The following CLMN variants were observed in gnomAD, a reference collection of about 807,000 sequenced individuals.
CLMN encodes calmin.
CLMN carries 57 observed loss-of-function variants against 92.7 expected under a neutral mutation model. The ratio of observed to expected loss-of-function variants is 0.61; its 90% CI spans 0.50 to 0.77. The LOEUF (loss-of-function observed/expected upper bound fraction) is 0.77, where lower values mean the gene tolerates loss of function less well. Ranked by LOEUF, CLMN falls within the 30% of genes least tolerant of loss-of-function variation. CLMN has a pLI of 0.00. For missense variants in CLMN, 1,158 were observed against 1,237.5 expected (o/e 0.94, Z 0.96); for synonymous variants, 466 against 470.6 (o/e 0.99, Z 0.13).
intron 1 of CLMN, among the ~76,000 whole-genome samples, chr14:95,290,504 G>A (rs559141104): frequency 6.6e-6 from 1 of 152,374 alleles, no homozygotes; most frequent in African/African-American, 2.4e-5. Flanking sequence ...AACAGAGTCA[G>A]AGAGAGTTGA....
chr14:95,211,855 G>A (rs533596091), intron 6 of CLMN, among the ~76,000 whole-genome samples: 1 of 152,180 alleles, frequency 6.6e-6, no homozygotes, highest in African/African-American at 2.4e-5. Flanking sequence ...GCTATAGACT[G>A]CATTTGAATT....
intron 12 of CLMN, 146 bp downstream of exon 12, chr14:95,193,703 G>T: frequency 2.0e-6 from 2 of 996,298 alleles, no homozygotes; most frequent in East Asian, 2.5e-5. Flanking sequence ...CATTTTCTCT[G>T]GAATAGTTAT....
chr14:95,193,824 C>A (rs879241345), intron 12 of CLMN, 25 bp downstream of exon 12: 9 of 1,612,106 alleles, frequency 5.6e-6, no homozygotes, highest in Admixed American at 1.7e-5. Flanking sequence ...ACTACCCCCA[C>A]AAAACCTGAA....
chr14:95,308,617 C>A (rs1208657622), intron 1 of CLMN, among the ~76,000 whole-genome samples: 3 of 152,198 alleles, frequency 2.0e-5, no homozygotes, highest in Non-Finnish European at 4.4e-5. Flanking sequence ...CAGGGTCCTG[C>A]ACTGTGGTCA....
At chr14:95,265,240 CAA>C (rs141059608) in intron 1 of CLMN, among the ~76,000 whole-genome samples, 4 of 142,686 alleles carry the variant, frequency 2.8e-5, no homozygotes, top group African/African-American at 5.1e-5. Flanking sequence ...GACTCTGAAT[CAA>C]AAAAAAAAAA....
chr14:95,207,952 G>A (rs1897091642), intron 8 of CLMN, among the ~76,000 whole-genome samples: 1 of 152,200 alleles, frequency 6.6e-6, no homozygotes, highest in Admixed American at 6.5e-5. Flanking sequence ...GTGCTTCATA[G>A]CTGAGTGACT....
chr14:95,202,645 G>C (rs1896916294), intron 9 of CLMN, among the ~76,000 whole-genome samples, 193 bp downstream of exon 9: 1 of 152,218 alleles, frequency 6.6e-6, no homozygotes, highest in African/African-American at 2.4e-5. Context: ...ATTTCAGGAG[G>C]TGCTCACTCT....
intron 1 of CLMN, among the ~76,000 whole-genome samples, chr14:95,311,898 G>A (rs143995966): frequency 3.9e-5 from 6 of 152,028 alleles, no homozygotes; most frequent in South Asian, 2.1e-4. Flanking sequence ...GGCCTCCTGG[G>A]TAGACAATCT....
intron 6 of CLMN, among the ~76,000 whole-genome samples, chr14:95,211,818 T>C (rs2140594067): frequency 6.6e-6 from 1 of 152,282 alleles, no homozygotes; most frequent in East Asian, 1.9e-4. Context: ...AGAACACCAA[T>C]ACTGGTCCAA....
intron 1 of CLMN, among the ~76,000 whole-genome samples, chr14:95,301,016 G>A (rs1354588289): frequency 6.6e-6 from 1 of 152,248 alleles, no homozygotes; most frequent in Non-Finnish European, 1.5e-5. Context: ...TGCAGATTCT[G>A]CACCTGATGC....
At chr14:95,310,031 G>A (rs1901462805) in intron 1 of CLMN, among the ~76,000 whole-genome samples, 1 of 152,146 alleles carries the variant, frequency 6.6e-6, no homozygotes, top group Non-Finnish European at 1.5e-5. Context: ...GCTTGTAGAG[G>A]CCTGATATGG....
intron 1 of CLMN, among the ~76,000 whole-genome samples, chr14:95,258,462 T>C (rs764531449): frequency 6.6e-6 from 1 of 150,490 alleles, no homozygotes; most frequent in Non-Finnish European, 1.5e-5. Context: ...GTGGAGGGTG[T>C]GTTTGTGTGT....
intron 8 of CLMN, among the ~76,000 whole-genome samples, chr14:95,205,309 A>C (rs1897016154): frequency 6.6e-6 from 1 of 152,242 alleles, no homozygotes; most frequent in African/African-American, 2.4e-5. Context: ...CAAGACATGA[A>C]GAGGCAGGAA....
At chr14:95,283,169 A>G (rs117991787) in intron 1 of CLMN, among the ~76,000 whole-genome samples, 3,635 of 152,314 alleles carry the variant, frequency 0.024, 75 homozygotes, top group East Asian at 0.039. Flanking sequence ...TTCCCATGCT[A>G]TTCTTGTAAT....
chr14:95,244,012 G>A (rs746327216), intron 1 of CLMN, among the ~76,000 whole-genome samples: 144 of 152,114 alleles, frequency 9.5e-4, no homozygotes, highest in Non-Finnish European at 1.6e-3. Flanking sequence ...TTAAAGGCGT[G>A]TAGCACCTTC....
rs938041784 is a variant in CLMN, at chr14:95,182,754, A to G, written c.*8810T>C. 2.0e-5 allele frequency: 3 copies of G among 152,202 alleles called. No homozygotes were observed. Among genetic ancestry groups the G allele is most frequent in the African/African-American group, 7.2e-5 (3 of 41,456 alleles). 9.4% of individuals were successfully genotyped at this position (152,202 alleles called of 1,614,324 possible). ...TGGGAAGATCTAGTCCTGTACAGCT[A>G]TTTATTCCTGCAGTTGAACTTTTGA... On this transcript the variant is annotated 3_prime_UTR_variant, in exon 13 of 13. Transcript: ENST00000298912.
chr14:95,241,287 G>C (rs1898234660), intron 1 of CLMN, among the ~76,000 whole-genome samples: 1 of 152,032 alleles, frequency 6.6e-6, no homozygotes, highest in Admixed American at 6.6e-5. Context: ...CCTGGGGCAT[G>C]GGACATTTGG....
At chr14:95,311,758 C>A (rs908129950) in intron 1 of CLMN, among the ~76,000 whole-genome samples, 3 of 152,166 alleles carry the variant, frequency 2.0e-5, no homozygotes, top group African/African-American at 7.2e-5. Context: ...TGGCCCCCCA[C>A]CACATGCTCC....
Position 95,256,995 on chromosome 14 carries a change from C to T in CLMN, c.83-26862G>A, listed in dbSNP as rs192989862. Among the ~76,000 whole-genome samples the T allele has an allele frequency of 1.3e-5, 2 of 152,318 alleles. No homozygotes were observed. Among genetic ancestry groups the T allele is most frequent in the East Asian group, 1.9e-4 (1 of 5,188 alleles). On this transcript the variant is annotated intron_variant, in intron 1 of 12. Coordinates refer to ENST00000298912, the MANE Select transcript of CLMN (RefSeq NM_024734.4). The surrounding 1 kb of genome is among the most constrained non-coding windows in gnomAD (Gnocchi z 4.9). Reference sequence around the variant, plus strand: ...TGTGTTCTGAGACTGGTTAAGCCCACGCTCCTTGACAGACAGGAGGGGGAC... The same window carrying T: ...TGTGTTCTGAGACTGGTTAAGCCCATGCTCCTTGACAGACAGGAGGGGGAC...
Sources: gnomAD v4.1 joint callset for allele counts (sites outside exome capture counted in the v4.1 genomes callset) on GRCh38, gnomAD v4.1.1 for gene constraint, Gnocchi (gnomAD v3.1) non-coding constraint, MANE v1.5 for transcripts, NCBI Gene and HGNC (gene_info 2026-07-23, HGNC 2026-07-21) for gene names.